The following MCF2L2 variants were observed in gnomAD, a reference collection of about 807,000 sequenced individuals.
The protein encoded by MCF2L2 is MCF.2 cell line derived transforming sequence-like 2, also known as probable guanine nucleotide exchange factor MCF2L2.
MCF2L2 carries 102 observed loss-of-function variants against 150.2 expected under a neutral mutation model. The ratio of observed to expected loss-of-function variants is 0.68; its 90% CI spans 0.58 to 0.80. MCF2L2 has a LOEUF of 0.80. Ranked by LOEUF, MCF2L2 falls within the 30% of genes least tolerant of loss-of-function variation. The pLI is 0.00. For missense variants in MCF2L2, 1,256 were observed against 1,372.8 expected, an observed-to-expected ratio of 0.91 and a Z score of 1.34; for synonymous variants, 465 against 491.3, an observed-to-expected ratio of 0.95 and a Z score of 0.71.
In MCF2L2 at chr3:183,391,440, C is replaced by T. The variant is rs187254290; in HGVS notation, c.77-1661G>A. Among the ~76,000 whole-genome samples the T allele has an allele frequency of 5.7e-4, 87 of 152,234 alleles. 1 individual carries two copies. In the East Asian group the frequency reaches 0.013, roughly 23 times the overall value. On this transcript the variant is annotated intron_variant, in intron 1 of 29. Transcript: ENST00000328913. Reference sequence around the variant, plus strand: ...TCACTAAAAGTTCAAAGAACTCCTTCGTCACTGTTCATTCGGTGGGTGTAA... The same window carrying T: ...TCACTAAAAGTTCAAAGAACTCCTTTGTCACTGTTCATTCGGTGGGTGTAA...
intron 24 of MCF2L2, 46 bp from the exon 25 acceptor site, chr3:183,206,000 A>C (rs778668612): frequency 6.4e-7 from 1 of 1,574,606 alleles, no homozygotes; most frequent in South Asian, 1.1e-5. Context: ...CATGAGTATT[A>C]ATTGCAGAGT....
intron 3 of MCF2L2, chr3:183,378,897 A>G (rs1261449741): frequency 6.4e-6 from 1 of 156,434 alleles, no homozygotes; most frequent in Non-Finnish European, 1.4e-5. Flanking sequence ...AAATTGCTTG[A>G]ACTCGGGAGG....
intron 15 of MCF2L2, among the ~76,000 whole-genome samples, chr3:183,275,459 C>T (rs1335730173): frequency 6.6e-6 from 1 of 152,190 alleles, no homozygotes; most frequent in Non-Finnish European, 1.5e-5. Flanking sequence ...CAGATTCTAC[C>T]TCTTGATTAA....
intron 3 of MCF2L2, chr3:183,375,695 T>C (rs1246166264): frequency 6.6e-6 from 1 of 152,198 alleles, no homozygotes; most frequent in Non-Finnish European, 1.5e-5. Flanking sequence ...GGCACAAAGA[T>C]AGCATTTCCC....
At chr3:183,421,335 C>A (rs1342456865) in intron 1 of MCF2L2, among the ~76,000 whole-genome samples, 1 of 152,170 alleles carries the variant, frequency 6.6e-6, no homozygotes, top group African/African-American at 2.4e-5. Flanking sequence ...TTTTCTAAGG[C>A]TCTATTCATT....
At position 183,359,003 on chromosome 3, in the gene MCF2L2, G is replaced by GTTTT. The variant is rs111465269; in HGVS notation, c.276-17377_276-17374dup. On this transcript the variant is annotated intron_variant, in intron 3 of 29. Coordinates refer to ENST00000328913, the MANE Select transcript of MCF2L2 (RefSeq NM_015078.4). ...ATGAAGCAGTGGAAAAGTTCATTGG[G>GTTTT]TTTTTTTTTTTTTTCTGTTTTTCTT... is the stretch of plus-strand genomic sequence containing the variant. Among the ~76,000 whole-genome samples, 838 of 143,382 alleles carry GTTTT rather than the reference G, an allele frequency of 5.8e-3. 7 individuals carry two copies. Among genetic ancestry groups the GTTTT allele is most frequent in the African/African-American group, 0.019 (757 of 39,144 alleles). The allele number at this position is 143,382 out of a possible 152,430, so 94.1% of individuals were successfully genotyped here.
intron 5 of MCF2L2, among the ~76,000 whole-genome samples, chr3:183,332,217 G>C (rs1357516439): frequency 6.6e-6 from 1 of 152,172 alleles, no homozygotes; most frequent in African/African-American, 2.4e-5. Context: ...TTCAGACTCT[G>C]CCGTTTCTGG....
At chr3:183,214,160 A>G (rs1261305277) in intron 22 of MCF2L2, among the ~76,000 whole-genome samples, 3 of 152,224 alleles carry the variant, frequency 2.0e-5, no homozygotes. Context: ...GACATTCATT[A>G]GATTCAGGGA....
chr3:183,331,261 C>G (rs1730261730), intron 5 of MCF2L2, among the ~76,000 whole-genome samples: 1 of 152,172 alleles, frequency 6.6e-6, no homozygotes, highest in Non-Finnish European at 1.5e-5. Context: ...AACGCTCTGT[C>G]CTAGACTTTC....
intron 15 of MCF2L2, among the ~76,000 whole-genome samples, chr3:183,250,816 G>A (rs1724486790): frequency 6.6e-6 from 1 of 152,158 alleles, no homozygotes; most frequent in South Asian, 2.1e-4. Context: ...AAACACAGCA[G>A]ATCCTTTACA....
At chr3:183,347,535 A>G (rs1228526894) in intron 3 of MCF2L2, among the ~76,000 whole-genome samples, 2 of 152,260 alleles carry the variant, frequency 1.3e-5, no homozygotes, top group Non-Finnish European at 2.9e-5. Context: ...CAATTGCCAC[A>G]AAAGCCAAAA....
intron 15 of MCF2L2, among the ~76,000 whole-genome samples, chr3:183,273,603 G>C (rs1560394850): frequency 6.6e-6 from 1 of 152,178 alleles, no homozygotes; most frequent in Admixed American, 6.5e-5. Flanking sequence ...ACAAAATGAC[G>C]TTTCGGTTAA....
chr3:183,325,390 T>C (rs907424366), intron 5 of MCF2L2, among the ~76,000 whole-genome samples: 8 of 152,168 alleles, frequency 5.3e-5, no homozygotes, highest in African/African-American at 1.2e-4. Context: ...CTTAACCTTG[T>C]CAGGCCCCAT....
At chr3:183,334,961 C>T (rs1324475297) in intron 5 of MCF2L2, among the ~76,000 whole-genome samples, 3 of 151,288 alleles carry the variant, frequency 2.0e-5, no homozygotes, top group Non-Finnish European at 4.4e-5. Context: ...TTAAAAATAG[C>T]CTGCATGGTG....
At chr3:183,221,049 C>A (rs1723130619) in intron 20 of MCF2L2, among the ~76,000 whole-genome samples, 2 of 152,170 alleles carry the variant, frequency 1.3e-5, no homozygotes, top group South Asian at 4.1e-4. Context: ...TTCAAGCCAG[C>A]ACATGTGTGC....
chr3:183,192,716 C>G, intron 27 of MCF2L2: 1 of 342,034 alleles, frequency 2.9e-6, no homozygotes, highest in Non-Finnish European at 5.3e-6. Flanking sequence ...CAGCAGTTGA[C>G]TAAGAGTAAC....
chr3:183,214,652 A>G (rs1722847174), intron 22 of MCF2L2, among the ~76,000 whole-genome samples: 1 of 152,072 alleles, frequency 6.6e-6, no homozygotes, highest in Non-Finnish European at 1.5e-5. Flanking sequence ...TATAATCACA[A>G]GTGACAAAAA....
In MCF2L2 at chr3:183,269,537, G is replaced by A. The variant is rs1330224104; in HGVS notation, c.1862+7335C>T. 1.3e-5 allele frequency: 5 copies of A among 389,760 alleles called. No individual in the cohort carries two copies. The Admixed American group carries it at 1.3e-4, about 10-fold the overall frequency. The allele number at this position is 389,760 out of a possible 1,614,324, so 24.1% of individuals were successfully genotyped here. ...TCACATGGGAGAGCCGCATGAGGCC[G>A]CCCACCACGCTTCCTGAAGGATGCC... On this transcript the variant is annotated intron_variant, in intron 15 of 29. Coordinates refer to ENST00000328913, the MANE Select transcript of MCF2L2 (RefSeq NM_015078.4).
intron 23 of MCF2L2, among the ~76,000 whole-genome samples, chr3:183,206,910 AAAGAAAGG>A (rs1722494810): frequency 7.0e-6 from 1 of 143,624 alleles, no homozygotes; most frequent in Non-Finnish European, 1.5e-5. Flanking sequence ...AGACAGAAAG[AAAGAAAGG>A]AAGGAAGGAA....
Sources: allele counts gnomAD v4.1 joint callset (sites outside exome capture counted in the v4.1 genomes callset), GRCh38; gene constraint gnomAD v4.1.1; transcripts MANE v1.5; gene names NCBI Gene and HGNC (gene_info 2026-07-23, HGNC 2026-07-21).